CEP63: variants seen among roughly 807,000 people sequenced by gnomAD.
CEP63 encodes the protein centrosomal protein 63, also known as centrosomal protein of 63 kDa.
CEP63 carries 84 observed loss-of-function variants against 89.1 expected under a neutral mutation model. That is an observed-to-expected ratio of 0.94 (90% confidence interval 0.79 to 1.13). The LOEUF (loss-of-function observed/expected upper bound fraction) is 1.13, where lower values mean the gene tolerates loss of function less well. Ranked by LOEUF, CEP63 falls within the 50% of genes most tolerant of loss-of-function variation. CEP63 has a pLI of 0.00. For missense variants in CEP63, 838 were observed against 813.3 expected, an observed-to-expected ratio of 1.03 and a Z score of -0.37; for synonymous variants, 267 against 272.5, an observed-to-expected ratio of 0.98 and a Z score of 0.20.
chr3:134,531,682 A>C lies in CEP63; in HGVS notation c.223-163A>C, dbSNP rs369349093. ...TTTTTGGCAGTGTAAAGAATTCTTA[A>C]ATAACTAGGTATTTGACTTCCTAAG... On this transcript the variant is annotated intron_variant, in intron 3 of 14. Transcript: ENST00000675561. 4.9e-4 allele frequency among the ~76,000 whole-genome samples: 75 copies of C among 152,342 alleles called. 1 individual carries two copies. The highest frequency in any genetic ancestry group is 1.6e-3 in the African/African-American group (67 of 41,588).
At position 134,561,948 on chromosome 3, in the gene CEP63, G is replaced by A; in HGVS notation, c.*413G>A. The stretch of plus-strand genomic sequence containing the variant: ...ATGGATTTAGGGGTCAAACATACCT[G>A]GATCGATAGACTGGTTTTGCCACTT... On this transcript the variant is annotated 3_prime_UTR_variant, in exon 15 of 15. Coordinates refer to ENST00000675561, the MANE Select transcript of CEP63 (RefSeq NM_001353108.3). 9.8e-7 allele frequency: 1 copy of A among 1,025,516 alleles called. No individual in the cohort carries two copies. The highest frequency in any genetic ancestry group is 1.7e-5 in the African/African-American group (1 of 57,692). 63.5% of individuals were successfully genotyped at this position (1,025,516 alleles called of 1,614,324 possible).
chr3:134,779,562 T>TTACACATGGATG, the CEP63 span, among the ~76,000 whole-genome samples: 2 of 152,360 alleles, frequency 1.3e-5, no homozygotes, highest in South Asian at 4.1e-4. Context: ...TTTCCCCATC[T>TTACACATGGATG]TACACATGGA....
the CEP63 span, among the ~76,000 whole-genome samples, chr3:134,655,777 G>A: frequency 6.6e-6 from 1 of 152,188 alleles, no homozygotes; most frequent in African/African-American, 2.4e-5. Flanking sequence ...CTTGACTCGG[G>A]GTTTCAAGAC....
chr3:134,589,247 A>T (rs187336804), downstream of CEP63, among the ~76,000 whole-genome samples: 1 of 152,344 alleles, frequency 6.6e-6, no homozygotes, highest in Admixed American at 6.5e-5. Context: ...GACATTTCAA[A>T]AAAAGACAAG....
At chr3:134,618,054 C>T in the CEP63 span, among the ~76,000 whole-genome samples, 468 of 152,206 alleles carry the variant, frequency 3.1e-3, 2 homozygotes, top group African/African-American at 0.01. Flanking sequence ...CCCTGACCCA[C>T]CGTGGCTGCG....
At chr3:134,697,060 C>T in the CEP63 span, among the ~76,000 whole-genome samples, 1 of 152,170 alleles carries the variant, frequency 6.6e-6, no homozygotes, top group Non-Finnish European at 1.5e-5. Context: ...TAGAACCTGT[C>T]CAGGGGTGAG....
chr3:134,567,950 G>C (rs116563008), downstream of CEP63, among the ~76,000 whole-genome samples: 833 of 152,328 alleles, frequency 5.5e-3, 7 homozygotes, highest in African/African-American at 0.019. Context: ...TTGAAGTTCT[G>C]CCCTAAGACT....
At chr3:134,740,037 G>A in the CEP63 span, among the ~76,000 whole-genome samples, 1 of 152,190 alleles carries the variant, frequency 6.6e-6, no homozygotes, top group Admixed American at 6.5e-5. Flanking sequence ...TCCTCCACTA[G>A]CCTGCAGATT....
chr3:134,573,921 A>G (rs752822538), intron 11 of CEP63, among the ~76,000 whole-genome samples: 1 of 152,186 alleles, frequency 6.6e-6, no homozygotes, highest in African/African-American at 2.4e-5. Context: ...AGCCCTCAGC[A>G]TTTAGGACAG....
chr3:134,714,885 C>G, the CEP63 span, among the ~76,000 whole-genome samples: 1 of 152,178 alleles, frequency 6.6e-6, no homozygotes, highest in Non-Finnish European at 1.5e-5. Flanking sequence ...ATGGAGAAGA[C>G]AGGTAGGTAA....
the CEP63 span, among the ~76,000 whole-genome samples, chr3:134,745,519 CAG>C: frequency 6.6e-6 from 1 of 152,138 alleles, no homozygotes; most frequent in African/African-American, 2.4e-5. Flanking sequence ...GTCTGTGTTG[CAG>C]AGTTTTCTTT....
At chr3:134,720,947 T>C in the CEP63 span, among the ~76,000 whole-genome samples, 1 of 152,128 alleles carries the variant, frequency 6.6e-6, no homozygotes, top group East Asian at 1.9e-4. Flanking sequence ...CAAGATTGTT[T>C]TGGCTATTTT....
chr3:134,709,328 G>A, the CEP63 span, among the ~76,000 whole-genome samples: 3 of 152,110 alleles, frequency 2.0e-5, no homozygotes, highest in African/African-American at 7.2e-5. Context: ...AATGATGAGG[G>A]TGATTGCACC....
the CEP63 span, among the ~76,000 whole-genome samples, chr3:134,733,712 G>T: frequency 6.6e-6 from 1 of 151,336 alleles, no homozygotes; most frequent in Admixed American, 6.6e-5. Context: ...CAAAGCACCA[G>T]AAGCTAGAAG....
At position 134,563,343 on chromosome 3, in the gene CEP63, C is replaced by T. The variant is rs1178757070; in HGVS notation, c.*1808C>T. The T allele has an allele frequency of 6.6e-6, 1 of 152,202 alleles. No individual in the cohort carries two copies. Among genetic ancestry groups the T allele is most frequent in the Non-Finnish European group, 1.5e-5 (1 of 68,060 alleles). 9.4% of individuals were successfully genotyped at this position (152,202 alleles called of 1,614,324 possible). On this transcript the variant is annotated 3_prime_UTR_variant, in exon 15 of 15. Coordinates refer to ENST00000675561, the MANE Select transcript of CEP63 (RefSeq NM_001353108.3). ...ACTGATAGTACTCACACCAGTAATT[C>T]AGGGAGCTTCTGGAGTTATCCTTTA...
chr3:134,666,999 CTA>C, the CEP63 span, among the ~76,000 whole-genome samples: 10 of 152,202 alleles, frequency 6.6e-5, no homozygotes, highest in Non-Finnish European at 1.3e-4. Context: ...TTTAATGACT[CTA>C]TTGCCTCTCA....
intron 2 of CEP63, among the ~76,000 whole-genome samples, chr3:134,502,697 T>G (rs1248223129): frequency 1.3e-5 from 2 of 152,154 alleles, no homozygotes; most frequent in Non-Finnish European, 2.9e-5. Context: ...TGTACTTATT[T>G]GGATCTTCCT....
At chr3:134,514,680 A>G (rs1945815633) in intron 3 of CEP63, among the ~76,000 whole-genome samples, 1 of 152,224 alleles carries the variant, frequency 6.6e-6, no homozygotes, top group South Asian at 2.1e-4. Context: ...CCAAACGAGA[A>G]TTCTGTATCC....
chr3:134,692,568 A>G, the CEP63 span, among the ~76,000 whole-genome samples: 3 of 152,184 alleles, frequency 2.0e-5, no homozygotes, highest in Non-Finnish European at 1.5e-5. Flanking sequence ...TCCTTTGTTT[A>G]CTCACGAGAG....
Sources: gnomAD v4.1 joint callset for allele counts (sites outside exome capture counted in the v4.1 genomes callset) on GRCh38, gnomAD v4.1.1 for gene constraint, MANE v1.5 for transcripts, NCBI Gene and HGNC (gene_info 2026-07-23, HGNC 2026-07-21) for gene names.